SMURF2: variants seen among roughly 807,000 people sequenced by gnomAD.
SMURF2 encodes SMAD specific E3 ubiquitin protein ligase 2.
A neutral mutation model predicts 109.6 loss-of-function variants in SMURF2; 48 were observed. The ratio of observed to expected loss-of-function variants is 0.44; its 90% confidence interval spans 0.35 to 0.56. The LOEUF (loss-of-function observed/expected upper bound fraction) is 0.56, where lower values mean the gene tolerates loss of function less well. SMURF2 is among the 20% of genes least tolerant of loss of function. SMURF2 has a pLI of 0.01. For missense variants in SMURF2, 575 were observed against 909.0 expected (o/e 0.63, Z 4.72); for synonymous variants, 288 against 317.1 (o/e 0.91, Z 0.97).
intron 5 of SMURF2, 133 bp from the exon 6 acceptor site, chr17:64,586,303 A>G (rs1969651602): frequency 3.8e-6 from 2 of 532,358 alleles, no homozygotes; most frequent in South Asian, 6.5e-5. Flanking sequence ...GGTTTCTACT[A>G]AAATTTATAA....
intron 1 of SMURF2, among the ~76,000 whole-genome samples, chr17:64,636,047 T>C (rs1970412035): frequency 6.6e-6 from 1 of 152,210 alleles, no homozygotes; most frequent in Non-Finnish European, 1.5e-5. Context: ...GTGGTTTTCA[T>C]TTTCATTTCC....
intron 1 of SMURF2, among the ~76,000 whole-genome samples, chr17:64,612,419 G>C (rs1199413358): frequency 6.6e-6 from 1 of 151,794 alleles, no homozygotes; most frequent in African/African-American, 2.4e-5. Context: ...TGTAATTCCA[G>C]CACTTTGGGA....
chr17:64,581,136 T>C lies in SMURF2; in HGVS notation c.570-145A>G. The C allele has an allele frequency of 1.4e-6, 1 of 735,654 alleles. No homozygotes were observed. The highest frequency in any genetic ancestry group is 2.2e-6 in the Non-Finnish European group (1 of 456,124). The allele number at this position is 735,654 out of a possible 1,614,324, so 45.6% of individuals were successfully genotyped here. On this transcript the variant is annotated intron_variant, in intron 7 of 18. Coordinates refer to ENST00000262435, the MANE Select transcript of SMURF2 (RefSeq NM_022739.4). The surrounding 1 kb of genome is among the most constrained non-coding windows in gnomAD (Gnocchi z 4.3). Reference sequence around the variant, plus strand: ...ATACAAGTATAATGACTTCAAGAACTCTGAGTAAAAGCAAACCTGAAGTCT... The same window carrying C: ...ATACAAGTATAATGACTTCAAGAACCCTGAGTAAAAGCAAACCTGAAGTCT...
intron 1 of SMURF2, among the ~76,000 whole-genome samples, chr17:64,659,262 A>G (rs939934210): frequency 6.6e-6 from 1 of 152,226 alleles, no homozygotes; most frequent in Non-Finnish European, 1.5e-5. Context: ...ACTAAAGTTT[A>G]TACAGCATCT....
chr17:64,598,288 G>A (rs1969845499), intron 3 of SMURF2, 94 bp downstream of exon 3: 2 of 1,128,498 alleles, frequency 1.8e-6, no homozygotes, highest in Middle Eastern at 3.1e-4. Flanking sequence ...TTATACCACA[G>A]ATGAAACCCA....
intron 9 of SMURF2, among the ~76,000 whole-genome samples, chr17:64,578,004 G>A (rs1326006207): frequency 6.7e-6 from 1 of 149,732 alleles, no homozygotes; most frequent in Non-Finnish European, 1.5e-5. Context: ...GAGTGCAGTG[G>A]CGTGATCTCA....
chr17:64,562,958 T>C lies in SMURF2; in HGVS notation c.1025A>G (p.Asn342Ser), dbSNP rs782465223. The C allele has an allele frequency of 1.2e-6, 2 of 1,612,636 alleles. No homozygotes were observed. Among genetic ancestry groups the C allele is most frequent in the Non-Finnish European group, 1.7e-6 (2 of 1,179,246 alleles). The change falls in exon 11 of 19, where the codon AAC becomes AGC. Residue 342 changes from asparagine (N) to serine (S), a missense_variant. Asn to Ser is a conservative substitution (Grantham distance 46, BLOSUM62 1). Transcript: ENST00000262435. Reference sequence around the variant, plus strand: ...CTGTTGCTGTTGGTCTTTCAATTGGTTCTGCCGACTAGAAGTAAACATAGA... The same window carrying C: ...CTGTTGCTGTTGGTCTTTCAATTGGCTCTGCCGACTAGAAGTAAACATAGA... ...ANLHLVLNRQ[N>S]QLKDQQQQQV... is the part of the protein sequence containing the mutation.
intron 16 of SMURF2, among the ~76,000 whole-genome samples, chr17:64,548,350 A>G (rs781829118): frequency 5.3e-5 from 8 of 152,180 alleles, no homozygotes; most frequent in Non-Finnish European, 1.5e-5. Flanking sequence ...CAGAAACTTC[A>G]GAAATGGGTG....
chr17:64,575,605 T>C (rs1969479256), intron 9 of SMURF2, among the ~76,000 whole-genome samples: 1 of 151,994 alleles, frequency 6.6e-6, no homozygotes, highest in East Asian at 1.9e-4. Flanking sequence ...ATAATCACAG[T>C]TTTATTTATA....
Position 64,593,574 on chromosome 17 carries a change from C to T in SMURF2, c.201-1G>A. Reference sequence around the variant, plus strand: ...AACTGAATCAGACTTTCCAATATACCTAAAAAACAAAACGGCTGCATGAGT... The same window carrying T: ...AACTGAATCAGACTTTCCAATATACTTAAAAAACAAAACGGCTGCATGAGT... On this transcript the variant is annotated splice_acceptor_variant, in intron 3 of 18. Transcript: ENST00000262435. LOFTEE classifies it high-confidence loss of function. The T allele has an allele frequency of 6.5e-7, 1 of 1,527,070 alleles. No individual in the cohort carries two copies. Among genetic ancestry groups the T allele is most frequent in the Non-Finnish European group, 8.8e-7 (1 of 1,130,832 alleles). The allele number at this position is 1,527,070 out of a possible 1,614,324, so 94.6% of individuals were successfully genotyped here. A position where few individuals can be genotyped will look rare whatever the true frequency, so the allele number is the denominator to read the frequency against.
At chr17:64,603,597 A>C (rs1353605405) in intron 2 of SMURF2, among the ~76,000 whole-genome samples, 1 of 151,974 alleles carries the variant, frequency 6.6e-6, no homozygotes, top group African/African-American at 2.4e-5. Context: ...AAAAAAAAAA[A>C]AAACATAATG....
intron 11 of SMURF2, among the ~76,000 whole-genome samples, chr17:64,562,301 AAAAAAAAAAAAAG>A (rs1211637792): frequency 2.0e-5 from 3 of 150,420 alleles, no homozygotes; most frequent in African/African-American, 7.3e-5. Context: ...AAAAAAAAAA[AAAAAAAAAAAAAG>A]AGAGAGAGAG....
intron 16 of SMURF2, among the ~76,000 whole-genome samples, chr17:64,551,202 AAAAC>A (rs1373766045): frequency 1.3e-5 from 2 of 152,076 alleles, no homozygotes; most frequent in Non-Finnish European, 2.9e-5. Context: ...TCTACCAAAA[AAAAC>A]AAAAAAATTA....
intron 1 of SMURF2, among the ~76,000 whole-genome samples, chr17:64,654,141 G>A (rs1174930602): frequency 6.6e-6 from 1 of 152,122 alleles, no homozygotes; most frequent in East Asian, 1.9e-4. Context: ...GAAGAAATGG[G>A]AAGAACATTG....
intron 1 of SMURF2, among the ~76,000 whole-genome samples, chr17:64,630,231 G>A (rs566676146): frequency 1.3e-5 from 2 of 151,608 alleles, no homozygotes; most frequent in South Asian, 2.1e-4. Context: ...GCAAGACTCC[G>A]TCTCAGAAAG....
At chr17:64,566,934 G>A (rs1331653344) in intron 10 of SMURF2, among the ~76,000 whole-genome samples, 3 of 144,708 alleles carry the variant, frequency 2.1e-5, no homozygotes, top group East Asian at 2.1e-4. Flanking sequence ...ACAGTGGCGC[G>A]ATCTCAGCTC....
chr17:64,589,090 T>C (rs1442954115), intron 5 of SMURF2, among the ~76,000 whole-genome samples: 2 of 152,232 alleles, frequency 1.3e-5, no homozygotes, highest in African/African-American at 4.8e-5. Flanking sequence ...GAGTCCAGCC[T>C]GCCTCTCTCT....
chr17:64,644,102 C>G (rs1970525558), intron 1 of SMURF2, among the ~76,000 whole-genome samples: 1 of 152,094 alleles, frequency 6.6e-6, no homozygotes, highest in Non-Finnish European at 1.5e-5. Flanking sequence ...GCCTGCTGGG[C>G]TCAAACCATC....
Position 64,586,160 on chromosome 17 carries a change from C to A in SMURF2, c.411G>T (p.Gln137His). The change falls in exon 6 of 19, where the codon CAG becomes CAT. Residue 137 changes from glutamine to histidine, a missense_variant. Gln to His is a conservative substitution (Grantham distance 24, BLOSUM62 0). Transcript: ENST00000262435. Reference sequence around the variant, plus strand: ...CTCCTGTGCCTATTCGGTCTCTGGACTGAAGACTTACTATTAAATGACAGA... The same window carrying A: ...CTCCTGTGCCTATTCGGTCTCTGGAATGAAGACTTACTATTAAATGACAGA... ...TVRGQIVVSL[Q>H]SRDRIGTGGQ... The A allele has an allele frequency of 6.2e-7, 1 of 1,601,694 alleles. No individual in the cohort carries two copies. The highest frequency in any genetic ancestry group is 8.5e-7 in the Non-Finnish European group (1 of 1,173,856).
Sources: gnomAD v4.1 joint callset for allele counts (sites outside exome capture counted in the v4.1 genomes callset) on GRCh38, gnomAD v4.1.1 for gene constraint, Gnocchi (gnomAD v3.1) non-coding constraint, MANE v1.5 for transcripts, NCBI Gene and HGNC (gene_info 2026-07-23, HGNC 2026-07-21) for gene names.